SLC14A2: variants seen among roughly 807,000 people sequenced by gnomAD.
The protein encoded by SLC14A2 is solute carrier family 14 member 2.
SLC14A2 carries 91 observed loss-of-function variants against 104.6 expected under a neutral mutation model. The ratio of observed to expected loss-of-function variants is 0.87; its 90% CI spans 0.73 to 1.04. The LOEUF is 1.04. Among genes scored for constraint, SLC14A2 ranks in the 50% least tolerant of loss-of-function variants. The pLI is 0.00. For synonymous variants in SLC14A2, 476 were observed against 466.4 expected, an observed-to-expected ratio of 1.02 and a Z score of -0.27; for missense variants, 1,189 against 1,156.0, an observed-to-expected ratio of 1.03 and a Z score of -0.41.
chr18:45,654,605 C>T (rs1441444062), intron 10 of SLC14A2, among the ~76,000 whole-genome samples: 1 of 152,154 alleles, frequency 6.6e-6, no homozygotes, highest in Non-Finnish European at 1.5e-5. Flanking sequence ...GGGTGGGAAC[C>T]TTACTAAGAA....
chr18:45,179,868 G>A, the SLC14A2 span: 1 of 151,882 alleles, frequency 6.6e-6, no homozygotes, highest in South Asian at 2.1e-4. Flanking sequence ...AAAATGGGCT[G>A]GGCACAATGG....
At chr18:45,292,753 C>T (rs2084882303) in intron 1 of SLC14A2, among the ~76,000 whole-genome samples, 1 of 152,166 alleles carries the variant, frequency 6.6e-6, no homozygotes, top group African/African-American at 2.4e-5. Context: ...AATTAGAAAC[C>T]ATTGACAAGT....
At chr18:45,320,482 C>T (rs921887751) in intron 1 of SLC14A2, among the ~76,000 whole-genome samples, 1 of 152,208 alleles carries the variant, frequency 6.6e-6, no homozygotes, top group African/African-American at 2.4e-5. Context: ...AAATTTCCCA[C>T]AGTCATGATG....
At chr18:45,480,719 C>T (rs2087476182) in intron 1 of SLC14A2, among the ~76,000 whole-genome samples, 1 of 152,188 alleles carries the variant, frequency 6.6e-6, no homozygotes, top group Admixed American at 6.5e-5. Context: ...CATGGGCTTT[C>T]ATTAGAGGCA....
chr18:45,526,999 C>T (rs1418057877), intron 2 of SLC14A2, among the ~76,000 whole-genome samples: 1 of 152,108 alleles, frequency 6.6e-6, no homozygotes, highest in Non-Finnish European at 1.5e-5. Flanking sequence ...AAATGTCAGA[C>T]CTACAAGGAT....
At chr18:45,532,178 G>T (rs980315550) in intron 2 of SLC14A2, among the ~76,000 whole-genome samples, 3 of 152,008 alleles carry the variant, frequency 2.0e-5, no homozygotes, top group African/African-American at 4.8e-5. Flanking sequence ...TGACTTGGCA[G>T]TGCGGGCTCT....
At chr18:45,276,576 C>A (rs2084705225) in intron 1 of SLC14A2, among the ~76,000 whole-genome samples, 2 of 152,200 alleles carry the variant, frequency 1.3e-5, no homozygotes, top group African/African-American at 4.8e-5. Flanking sequence ...GCCTGCAATA[C>A]TGCATGTGAT....
chr18:45,425,977 G>A (rs1223847872), intron 1 of SLC14A2, among the ~76,000 whole-genome samples: 1 of 139,202 alleles, frequency 7.2e-6, no homozygotes, highest in Admixed American at 7.8e-5. Context: ...CTCTGGAAGT[G>A]AGGCATGTTT....
chr18:45,412,946 A>G (rs997313043), intron 1 of SLC14A2, among the ~76,000 whole-genome samples: 1 of 152,232 alleles, frequency 6.6e-6, no homozygotes, highest in Non-Finnish European at 1.5e-5. Context: ...TGGTTTTTCA[A>G]GAGAAAGCAA....
At chr18:45,635,877 A>G (rs1183422776) in intron 5 of SLC14A2, among the ~76,000 whole-genome samples, 1 of 152,222 alleles carries the variant, frequency 6.6e-6, no homozygotes, top group African/African-American at 2.4e-5. Context: ...GAACAGGGAA[A>G]AGAACTGGCC....
chr18:45,550,985 A>T (rs943161242), intron 2 of SLC14A2, among the ~76,000 whole-genome samples: 3 of 152,206 alleles, frequency 2.0e-5, no homozygotes, highest in African/African-American at 4.8e-5. Context: ...GGAAGGCTTC[A>T]TGGAGGAGGT....
At chr18:45,650,107 ATTC>A (rs1568314051) in intron 10 of SLC14A2, among the ~76,000 whole-genome samples, 1 of 151,990 alleles carries the variant, frequency 6.6e-6, no homozygotes, top group Non-Finnish European at 1.5e-5. Flanking sequence ...TGCTTATGTT[ATTC>A]TTCACAATTT....
chr18:45,527,485 G>C (rs1358305659), intron 2 of SLC14A2, among the ~76,000 whole-genome samples: 2 of 152,164 alleles, frequency 1.3e-5, no homozygotes, highest in African/African-American at 2.4e-5. Flanking sequence ...AATAGCAATA[G>C]AATTACATAA....
chr18:45,575,561 C>T (rs1008302809), intron 2 of SLC14A2, among the ~76,000 whole-genome samples: 18 of 152,330 alleles, frequency 1.2e-4, no homozygotes, highest in Non-Finnish European at 2.4e-4. Flanking sequence ...TCAATCCCCA[C>T]GTGAGCACTT....
At chr18:45,530,089 C>A (rs1278919161) in intron 2 of SLC14A2, among the ~76,000 whole-genome samples, 1 of 152,150 alleles carries the variant, frequency 6.6e-6, no homozygotes, top group Non-Finnish European at 1.5e-5. Flanking sequence ...AAGTGAATTT[C>A]CTAGAAATTA....
At chr18:45,459,781 C>A (rs993257063) in intron 1 of SLC14A2, among the ~76,000 whole-genome samples, 1 of 152,138 alleles carries the variant, frequency 6.6e-6, no homozygotes, top group African/African-American at 2.4e-5. Flanking sequence ...TTCGATCATG[C>A]CTTTGAGGGT....
At chr18:45,587,172 ACCATATTGGCCAGGCTGGTTTTGAACT>A (rs1368708119) in intron 2 of SLC14A2, among the ~76,000 whole-genome samples, 8 of 152,052 alleles carry the variant, frequency 5.3e-5, no homozygotes, top group Non-Finnish European at 1.0e-4. Context: ...ACACGGTTTT[ACCATATTGGCCAGGCTGGTTTTGAACT>A]CCTGGCCTCA....
At chr18:45,221,717 C>T (rs1384137600) in intron 1 of SLC14A2, among the ~76,000 whole-genome samples, 1 of 152,074 alleles carries the variant, frequency 6.6e-6, no homozygotes, top group African/African-American at 2.4e-5. Context: ...ATAGGGATCT[C>T]ATGTAACCTT....
At chr18:45,469,051 C>T (rs1489013773) in intron 1 of SLC14A2, among the ~76,000 whole-genome samples, 5 of 152,142 alleles carry the variant, frequency 3.3e-5, no homozygotes, top group South Asian at 2.1e-4. Context: ...GGAGGGGAAG[C>T]GGAGGTTGCC....
Sources: allele counts gnomAD v4.1 joint callset (sites outside exome capture counted in the v4.1 genomes callset), GRCh38; gene constraint gnomAD v4.1.1; transcripts MANE v1.5; gene names NCBI Gene and HGNC (gene_info 2026-07-23, HGNC 2026-07-21).